KLHL29: variants seen among roughly 807,000 people sequenced by gnomAD.
The protein encoded by KLHL29 is kelch-like protein 29.
In KLHL29, 21 loss-of-function variants were observed where a neutral mutation model predicts 80.4. That is an observed-to-expected ratio of 0.26 (90% CI 0.19 to 0.38). KLHL29 has a LOEUF of 0.38. Ranked by LOEUF, KLHL29 falls within the 10% of genes least tolerant of loss-of-function variation. The probability of loss-of-function intolerance (pLI) is 1.00; values close to 1 mark genes in which losing one functional copy is unlikely to be tolerated. For synonymous variants in KLHL29, 511 were observed against 526.8 expected, an observed-to-expected ratio of 0.97 and a Z score of 0.41; for missense variants, 867 against 1,223.9, an observed-to-expected ratio of 0.71 and a Z score of 4.35.
At chr2:23,644,516 A>G (rs976232427) in intron 5 of KLHL29, among the ~76,000 whole-genome samples, 1 of 152,208 alleles carries the variant, frequency 6.6e-6, no homozygotes, top group African/African-American at 2.4e-5. Flanking sequence ...CTGAGAAAGG[A>G]CTGGAGTCCC....
intron 2 of KLHL29, among the ~76,000 whole-genome samples, chr2:23,500,430 G>A (rs1337567311): frequency 6.6e-6 from 1 of 152,162 alleles, no homozygotes; most frequent in Non-Finnish European, 1.5e-5. Context: ...ATACCACTTG[G>A]TATCATTTTA....
intron 5 of KLHL29, among the ~76,000 whole-genome samples, chr2:23,654,506 A>AGATTCCT (rs1670180961): frequency 6.6e-6 from 1 of 152,206 alleles, no homozygotes. Context: ...ATTACCTTCA[A>AGATTCCT]GATTCCTCTC....
intron 3 of KLHL29, among the ~76,000 whole-genome samples, chr2:23,612,810 G>T (rs1228698320): frequency 6.6e-6 from 1 of 152,050 alleles, no homozygotes; most frequent in Non-Finnish European, 1.5e-5. Context: ...TCAGGCAGAT[G>T]AAATTAATTC....
chr2:23,606,840 G>A (rs1018871849), intron 3 of KLHL29, among the ~76,000 whole-genome samples: 3 of 152,166 alleles, frequency 2.0e-5, no homozygotes, highest in African/African-American at 7.2e-5. Flanking sequence ...CATTCAGGCT[G>A]CCATAACAAA....
chr2:23,498,057 A>G (rs1469606383), intron 2 of KLHL29, among the ~76,000 whole-genome samples: 1 of 152,218 alleles, frequency 6.6e-6, no homozygotes, highest in Non-Finnish European at 1.5e-5. Context: ...GACTTAACAT[A>G]TCCATCATCT....
At chr2:23,508,970 C>T (rs775053070) in intron 2 of KLHL29, among the ~76,000 whole-genome samples, 5 of 152,296 alleles carry the variant, frequency 3.3e-5, no homozygotes, top group East Asian at 1.9e-4. Flanking sequence ...TCTGTGCCTC[C>T]GTTCCCTCAT....
intron 1 of KLHL29, among the ~76,000 whole-genome samples, chr2:23,385,995 A>G (rs1354064683): frequency 7.3e-5 from 11 of 150,038 alleles, no homozygotes; most frequent in Admixed American, 2.6e-4. Context: ...CTCCAGGGGG[A>G]AAAAAAGGGG....
At chr2:23,404,350 T>A (rs1322904040) in intron 1 of KLHL29, among the ~76,000 whole-genome samples, 2 of 152,218 alleles carry the variant, frequency 1.3e-5, no homozygotes, top group Non-Finnish European at 2.9e-5. Context: ...TGATGCTGTT[T>A]AAGATAATCA....
At chr2:23,455,740 TAG>T (rs1477830652) in intron 1 of KLHL29, among the ~76,000 whole-genome samples, 3 of 151,466 alleles carry the variant, frequency 2.0e-5, no homozygotes, top group African/African-American at 7.3e-5. Flanking sequence ...GCCTCCCGAG[TAG>T]AGTCTCCTGA....
chr2:23,437,900 C>A (rs976746801), intron 1 of KLHL29, among the ~76,000 whole-genome samples: 25 of 152,132 alleles, frequency 1.6e-4, no homozygotes, highest in African/African-American at 6.0e-4. Flanking sequence ...TTACTTTGGG[C>A]AGTATGGCCA....
intron 2 of KLHL29, among the ~76,000 whole-genome samples, chr2:23,511,448 G>A (rs912654948): frequency 1.2e-4 from 19 of 152,294 alleles, no homozygotes; most frequent in African/African-American, 4.6e-4. Context: ...GCTTGGAGAA[G>A]GAAGATGGGT....
chr2:23,705,501 AAAG>A (rs1353961052), intron 13 of KLHL29, among the ~76,000 whole-genome samples: 1 of 152,186 alleles, frequency 6.6e-6, no homozygotes, highest in East Asian at 1.9e-4. Context: ...AAAAAAAAAA[AAAG>A]AATGGGAAAG....
At chr2:23,526,298 A>G (rs1052521275) in intron 2 of KLHL29, among the ~76,000 whole-genome samples, 2 of 152,084 alleles carry the variant, frequency 1.3e-5, no homozygotes. Context: ...GGGGAGGGGA[A>G]ACCAGAGCTG....
chr2:23,440,166 T>A (rs1293181902), intron 1 of KLHL29, among the ~76,000 whole-genome samples: 6 of 152,148 alleles, frequency 3.9e-5, no homozygotes, highest in African/African-American at 1.4e-4. Flanking sequence ...CCCTCAGAAA[T>A]AACGCCGCAT....
intron 3 of KLHL29, among the ~76,000 whole-genome samples, chr2:23,571,130 T>G (rs1403148916): frequency 6.6e-6 from 1 of 152,242 alleles, no homozygotes; most frequent in East Asian, 1.9e-4. Flanking sequence ...ACAGCCTCTT[T>G]ACAGATGAAA....
At chr2:23,648,090 G>A (rs540737416) in intron 5 of KLHL29, among the ~76,000 whole-genome samples, 18 of 151,942 alleles carry the variant, frequency 1.2e-4, no homozygotes, top group Non-Finnish European at 2.6e-4. Flanking sequence ...CCTTAGGAGA[G>A]CTCGTTCTGC....
chr2:23,528,660 A>C (rs1433516462), intron 2 of KLHL29, among the ~76,000 whole-genome samples: 1 of 152,234 alleles, frequency 6.6e-6, no homozygotes, highest in African/African-American at 2.4e-5. Flanking sequence ...TTAGACTGTG[A>C]AATTAAACTA....
At chr2:23,531,547 A>G (rs1409314606) in intron 2 of KLHL29, among the ~76,000 whole-genome samples, 1 of 152,162 alleles carries the variant, frequency 6.6e-6, no homozygotes, top group East Asian at 1.9e-4. Context: ...CCTGGGACCA[A>G]CGGGATTTCA....
intron 5 of KLHL29, among the ~76,000 whole-genome samples, chr2:23,664,016 C>G (rs970824686): frequency 2.0e-5 from 3 of 152,098 alleles, no homozygotes; most frequent in Admixed American, 6.5e-5. Flanking sequence ...GGGACTGGGG[C>G]GCCTGGCACA....
Sources: allele counts gnomAD v4.1 joint callset (sites outside exome capture counted in the v4.1 genomes callset), GRCh38; gene constraint gnomAD v4.1.1; transcripts MANE v1.5; gene names NCBI Gene and HGNC (gene_info 2026-07-23, HGNC 2026-07-21).